Variants in BCL2 observed in about 807,000 individuals in gnomAD.
BCL2 encodes apoptosis regulator Bcl-2.
Under a neutral mutation model 14.2 loss-of-function variants are expected in BCL2, and 1 was observed. The observed-to-expected ratio is 0.07, with a 90% confidence interval of 0.02 to 0.33. The LOEUF is 0.33. BCL2 is among the 10% of genes least tolerant of loss of function. The probability of loss-of-function intolerance (pLI) is 0.99; values close to 1 mark genes in which losing one functional copy is unlikely to be tolerated. For missense variants in BCL2, 247 were observed against 305.9 expected (o/e 0.81, Z 1.44); for synonymous variants, 151 against 137.2 (o/e 1.10, Z -0.70).
chr18:63,299,134 T>C (rs2849378), intron 2 of BCL2, among the ~76,000 whole-genome samples: 152,353 of 152,380 alleles, frequency 1, 76,163 homozygotes, highest in Non-Finnish European at 1. Flanking sequence ...TAGAAAGAGT[T>C]GGGCAAAGTA....
chr18:63,267,134 G>T (rs112680285), intron 2 of BCL2, among the ~76,000 whole-genome samples: 1 of 152,202 alleles, frequency 6.6e-6, no homozygotes, highest in Non-Finnish European at 1.5e-5. Flanking sequence ...GGGACAGCAC[G>T]ATGCAAGGCC....
intron 2 of BCL2, among the ~76,000 whole-genome samples, chr18:63,146,473 G>A (rs1186616162): frequency 1.3e-5 from 2 of 152,254 alleles, no homozygotes; most frequent in South Asian, 2.1e-4. Flanking sequence ...CCAGGCCTGC[G>A]ATCCACGCTG....
chr18:63,314,173 C>T (rs1165059654), intron 2 of BCL2: 1 of 152,058 alleles, frequency 6.6e-6, no homozygotes, highest in Non-Finnish European at 1.5e-5. Context: ...ATGCACTTTC[C>T]CAAGGAAAGT....
chr18:63,245,733 C>T (rs75848537), intron 2 of BCL2, among the ~76,000 whole-genome samples: 4,933 of 152,238 alleles, frequency 0.032, 114 homozygotes, highest in African/African-American at 0.065. Context: ...TTATGCAAGA[C>T]GTTACCATTC....
intron 2 of BCL2, among the ~76,000 whole-genome samples, chr18:63,228,155 C>G (rs1439475630): frequency 6.6e-6 from 1 of 152,184 alleles, no homozygotes; most frequent in Non-Finnish European, 1.5e-5. Flanking sequence ...CCCTGCTGTT[C>G]TGACCTAATG....
rs1568222601 is a variant in BCL2 at position 63,169,341 on chromosome 18, CTT to C, written c.586-40584_586-40583del. On this transcript the variant is annotated intron_variant, in intron 2 of 2. Transcript: ENST00000333681. ...CTTCCTTCTTTCCTTTCCTTCCTTTCTTTCTTTCTTTCTTTCTTTCTTTCTTT... is the reference window on the plus strand; with the variant it reads ...CTTCCTTCTTTCCTTTCCTTCCTTTCTCTTTCTTTCTTTCTTTCTTTCTTT... Among the ~76,000 whole-genome samples the C allele has an allele frequency of 6.9e-3, 345 of 50,338 alleles. 22 individuals are homozygous for C. Among genetic ancestry groups the C allele is most frequent in the African/African-American group, 0.035 (331 of 9,522 alleles). The allele number at this position is 50,338 out of a possible 152,430, so 33.0% of individuals were successfully genotyped here. A position where few individuals can be genotyped will look rare whatever the true frequency, so the allele number is the denominator to read the frequency against.
At chr18:63,192,234 C>T (rs1363456587) in intron 2 of BCL2, among the ~76,000 whole-genome samples, 1 of 152,172 alleles carries the variant, frequency 6.6e-6, no homozygotes, top group Non-Finnish European at 1.5e-5. Context: ...AAGAAGGAGC[C>T]AGCCCTGGGA....
chr18:63,156,232 G>C (rs1428222616), intron 2 of BCL2, among the ~76,000 whole-genome samples: 2 of 152,092 alleles, frequency 1.3e-5, no homozygotes, highest in African/African-American at 4.8e-5. Flanking sequence ...TTGTCCCTCA[G>C]GAAAATAAAC....
rs185296654 is a variant in BCL2 at position 63,298,237 on chromosome 18, C to T, written c.585+19845G>A. ...TATGACAAGAGTTTATTTTACACGA[C>T]TCTGACCTATGGCTTGAAAACACAG... On this transcript the variant is annotated intron_variant, in intron 2 of 2. Transcript: ENST00000333681. Among the ~76,000 whole-genome samples, 669 of 152,360 alleles carry T rather than the reference C, an allele frequency of 4.4e-3. 5 individuals carry two copies. Among genetic ancestry groups the T allele is most frequent in the Middle Eastern group, 0.014 (4 of 294 alleles).
In BCL2 at chr18:63,217,770, A is replaced by G. The variant is rs544602786; in HGVS notation, c.586-89011T>C. Among the ~76,000 whole-genome samples, 4 of 152,348 alleles carry G rather than the reference A, an allele frequency of 2.6e-5. No homozygotes were observed. In the South Asian group the frequency reaches 8.3e-4, roughly 32 times the overall value. On this transcript the variant is annotated intron_variant, in intron 2 of 2. Coordinates refer to ENST00000333681, the MANE Select transcript of BCL2 (RefSeq NM_000633.3). Reference sequence around the variant, plus strand: ...GCTAAGGTTAGACAAAGTGATCTTTAGAAACCTTTTGATCTCTGGCAATCC... The same window carrying G: ...GCTAAGGTTAGACAAAGTGATCTTTGGAAACCTTTTGATCTCTGGCAATCC...
chr18:63,206,261 C>T (rs1028223335), intron 2 of BCL2, among the ~76,000 whole-genome samples: 2 of 152,170 alleles, frequency 1.3e-5, no homozygotes, highest in African/African-American at 2.4e-5. Flanking sequence ...CACACGCAGA[C>T]GATAAGCACC....
At chr18:63,207,616 T>TG (rs1909876197) in intron 2 of BCL2, 2 of 139,638 alleles carry the variant, frequency 1.4e-5, no homozygotes, top group African/African-American at 5.6e-5. Flanking sequence ...GAGGTCTGGG[T>TG]GGGGGCAGGA....
At chr18:63,287,546 G>T (rs998559069) in intron 2 of BCL2, among the ~76,000 whole-genome samples, 5 of 151,962 alleles carry the variant, frequency 3.3e-5, no homozygotes, top group Non-Finnish European at 1.5e-5. Context: ...TGTTTGGGGG[G>T]TGACTGACCT....
chr18:63,302,840 A>C (rs1913007358), intron 2 of BCL2: 3 of 985,244 alleles, frequency 3.0e-6, no homozygotes, highest in South Asian at 9.4e-5. Context: ...AAATAACACA[A>C]GGGCATCCTG....
At chr18:63,154,688 C>T (rs573329489) in intron 2 of BCL2, among the ~76,000 whole-genome samples, 21 of 152,302 alleles carry the variant, frequency 1.4e-4, no homozygotes, top group African/African-American at 4.8e-4. Flanking sequence ...GCCCCCACCT[C>T]CCCATCATGC....
At chr18:63,303,790 C>T (rs906176338) in intron 2 of BCL2, among the ~76,000 whole-genome samples, 6 of 152,068 alleles carry the variant, frequency 3.9e-5, no homozygotes, top group Non-Finnish European at 8.8e-5. Flanking sequence ...TCCTGACTTT[C>T]GGTGACTGAG....
intron 2 of BCL2, among the ~76,000 whole-genome samples, chr18:63,295,186 A>C (rs115704709): frequency 6.6e-6 from 1 of 150,882 alleles, no homozygotes; most frequent in Admixed American, 6.6e-5. Context: ...TAATAGTAAT[A>C]ATTATTATTA....
intron 2 of BCL2, among the ~76,000 whole-genome samples, chr18:63,218,874 C>G (rs1481363924): frequency 5.3e-5 from 8 of 149,548 alleles, no homozygotes; most frequent in Non-Finnish European, 8.9e-5. Flanking sequence ...CTTGGCCCTT[C>G]CTTCAATCAA....
At chr18:63,184,151 G>A (rs997043494) in intron 2 of BCL2, among the ~76,000 whole-genome samples, 6 of 152,204 alleles carry the variant, frequency 3.9e-5, no homozygotes, top group African/African-American at 1.2e-4. Context: ...AGAGGCCAAC[G>A]CTGGCCTTGG....
Sources: allele counts gnomAD v4.1 joint callset (sites outside exome capture counted in the v4.1 genomes callset), GRCh38; gene constraint gnomAD v4.1.1; transcripts MANE v1.5; gene names NCBI Gene and HGNC (gene_info 2026-07-23, HGNC 2026-07-21).